CRKL: variants seen among roughly 807,000 people sequenced by gnomAD.
CRKL encodes CRK like proto-oncogene, adaptor protein.
Under a neutral mutation model 23.0 loss-of-function variants are expected in CRKL, and 3 were observed. That is an observed-to-expected ratio of 0.13 (90% CI 0.06 to 0.34). The LOEUF (loss-of-function observed/expected upper bound fraction) is 0.34, where lower values mean the gene tolerates loss of function less well. Among genes scored for constraint, CRKL ranks in the 10% least tolerant of loss-of-function variants. The pLI, the probability that CRKL is intolerant of heterozygous loss-of-function variation, is 1.00. For synonymous variants in CRKL, 188 were observed against 160.7 expected (o/e 1.17, Z -1.28); for missense variants, 256 against 394.5 (o/e 0.65, Z 2.97).
At position 20,941,562 on chromosome 22, in the gene CRKL, G is replaced by A. The variant is rs1429628038; in HGVS notation, c.777+7318G>A. On this transcript the variant is annotated intron_variant, in intron 2 of 2. Coordinates refer to ENST00000354336, the MANE Select transcript of CRKL (RefSeq NM_005207.4). ...TATGTGTGTGTGTGTGTGTGTGTGT[G>A]TGTGTGTGTGTGTGTGTATATATAT... 2.2e-3 allele frequency among the ~76,000 whole-genome samples: 36 copies of A among 16,616 alleles called. 2 individuals are homozygous for A. The highest frequency in any genetic ancestry group is 9.1e-3 in the East Asian group (2 of 220). The allele number at this position is 16,616 out of a possible 152,430, so 10.9% of individuals were successfully genotyped here.
At position 20,941,541 on chromosome 22, in the gene CRKL, TG is replaced by T. The variant is rs1921874360; in HGVS notation, c.777+7298del. Among the ~76,000 whole-genome samples, 2 of 12,892 alleles carry T rather than the reference TG, an allele frequency of 1.6e-4. 1 individual carries two copies. The highest frequency in any genetic ancestry group is 2.1e-3 in the Admixed American group (2 of 970). 8.5% of individuals were successfully genotyped at this position (12,892 alleles called of 152,430 possible). The stretch of plus-strand genomic sequence containing the variant: ...TGTGTATATATATATATATTTTATG[TG>T]TGTGTGTGTGTGTGTGTGTGTGTGT... On this transcript the variant is annotated intron_variant, in intron 2 of 2. Transcript: ENST00000354336.
chr22:20,929,886 C>T (rs1452726524), intron 1 of CRKL, among the ~76,000 whole-genome samples: 1 of 152,128 alleles, frequency 6.6e-6, no homozygotes, highest in Admixed American at 6.6e-5. Context: ...ACAGTGGGGT[C>T]TAATGGAAAG....
intron 1 of CRKL, among the ~76,000 whole-genome samples, chr22:20,930,659 C>T (rs891011697): frequency 2.9e-5 from 4 of 139,264 alleles, no homozygotes; most frequent in East Asian, 4.6e-4. Context: ...GGATTACAGG[C>T]GTGAGCCACC....
chr22:20,921,715 T>C (rs1920998540), intron 1 of CRKL, among the ~76,000 whole-genome samples: 1 of 151,468 alleles, frequency 6.6e-6, no homozygotes, highest in Admixed American at 6.6e-5. Flanking sequence ...TTCTTTCTTT[T>C]TTCTTTTTTT....
At chr22:20,937,309 A>G (rs1203776751) in intron 2 of CRKL, among the ~76,000 whole-genome samples, 2 of 151,898 alleles carry the variant, frequency 1.3e-5, no homozygotes. Context: ...CGTCCATCAT[A>G]GCATAGGATT....
chr22:20,932,377 C>T (rs1921487856), intron 1 of CRKL, among the ~76,000 whole-genome samples: 1 of 152,096 alleles, frequency 6.6e-6, no homozygotes, highest in Non-Finnish European at 1.5e-5. Flanking sequence ...GATTACAGGT[C>T]TGAGCCACCA....
At chr22:20,932,322 C>T (rs1461964182) in intron 1 of CRKL, among the ~76,000 whole-genome samples, 1 of 152,054 alleles carries the variant, frequency 6.6e-6, no homozygotes, top group Admixed American at 6.6e-5. Context: ...GTTGGACAGG[C>T]AGGTCTCCAA....
intron 2 of CRKL, among the ~76,000 whole-genome samples, chr22:20,939,233 CTTTTTTTTT>C (rs140538861): frequency 2.7e-5 from 2 of 75,148 alleles, no homozygotes; most frequent in East Asian, 4.4e-4. Flanking sequence ...ACATAAGTTG[CTTTTTTTTT>C]TTTTTTTTTT....
intron 1 of CRKL, among the ~76,000 whole-genome samples, chr22:20,928,830 AAAAAAAAGG>A (rs1312690676): frequency 4.0e-5 from 6 of 151,748 alleles, no homozygotes; most frequent in Non-Finnish European, 8.8e-5. Flanking sequence ...AAAAAAAAAA[AAAAAAAAGG>A]AATATTACCA....
chr22:20,940,399 A>C (rs1921827546), intron 2 of CRKL, among the ~76,000 whole-genome samples: 1 of 152,098 alleles, frequency 6.6e-6, no homozygotes, highest in South Asian at 2.1e-4. Flanking sequence ...CATTTTATGG[A>C]ATTTGCCATC....
intron 2 of CRKL, among the ~76,000 whole-genome samples, chr22:20,947,048 A>G (rs12484413): frequency 0.15 from 22,948 of 152,144 alleles, 2,013 homozygotes; most frequent in East Asian, 0.35. Flanking sequence ...CAAGGCCACA[A>G]TGAGGCACTA....
At chr22:20,930,614 T>C (rs1921408012) in intron 1 of CRKL, among the ~76,000 whole-genome samples, 1 of 150,040 alleles carries the variant, frequency 6.7e-6, no homozygotes, top group Non-Finnish European at 1.5e-5. Flanking sequence ...ACTCCTGACC[T>C]CAAGTGATCC....
At chr22:20,948,276 C>T (rs946616416) in intron 2 of CRKL, among the ~76,000 whole-genome samples, 2 of 152,148 alleles carry the variant, frequency 1.3e-5, no homozygotes, top group Non-Finnish European at 2.9e-5. Context: ...GTATCCATCA[C>T]AGTCATTTAT....
At chr22:20,939,418 T>G (rs1921783820) in intron 2 of CRKL, among the ~76,000 whole-genome samples, 1 of 142,386 alleles carries the variant, frequency 7.0e-6, no homozygotes, top group African/African-American at 2.6e-5. Context: ...TTTTTTTTTT[T>G]GTATTTTTTA....
In CRKL at chr22:20,951,593, A is replaced by G. The variant is rs1367167341; in HGVS notation, c.*1748A>G. ...CATAGTGAACACAGCAGACCTAGAA[A>G]TGTAGCAGCAGCCTACTGAGTAGCT... is the stretch of plus-strand genomic sequence containing the variant. On this transcript the variant is annotated 3_prime_UTR_variant, in exon 3 of 3. Transcript: ENST00000354336. The G allele has an allele frequency of 4.5e-6, 1 of 224,664 alleles. No individual in the cohort carries two copies. Among genetic ancestry groups the G allele is most frequent in the African/African-American group, 2.2e-5 (1 of 44,918 alleles). 13.9% of individuals were successfully genotyped at this position (224,664 alleles called of 1,614,324 possible).
In CRKL at chr22:20,949,620, C is replaced by A. The variant is rs1044356062; in HGVS notation, c.778-91C>A. The A allele has an allele frequency of 2.6e-6, 4 of 1,515,920 alleles. No individual in the cohort carries two copies. The East Asian group carries it at 9.1e-5, about 34-fold the overall frequency. 93.9% of individuals were successfully genotyped at this position (1,515,920 alleles called of 1,614,324 possible). ...CTGTGTCTAAATAATAATGTATGGG[C>A]CCTTTGGATAAGGTAGTGTTTGTGA... On this transcript the variant is annotated intron_variant, in intron 2 of 2. Coordinates refer to ENST00000354336, the MANE Select transcript of CRKL (RefSeq NM_005207.4).
chr22:20,931,476 T>G (rs554963771), intron 1 of CRKL, among the ~76,000 whole-genome samples: 5 of 152,308 alleles, frequency 3.3e-5, no homozygotes, highest in Admixed American at 3.3e-4. Context: ...GTCGGTACAT[T>G]GGATGCTTGG....
Position 20,949,625 on chromosome 22 carries a change from T to G in CRKL, c.778-86T>G, listed in dbSNP as rs572808730. On this transcript the variant is annotated intron_variant, in intron 2 of 2. Coordinates refer to ENST00000354336, the MANE Select transcript of CRKL (RefSeq NM_005207.4). Reference sequence around the variant, plus strand: ...TCTAAATAATAATGTATGGGCCCTTTGGATAAGGTAGTGTTTGTGATTTAA... The same window carrying G: ...TCTAAATAATAATGTATGGGCCCTTGGGATAAGGTAGTGTTTGTGATTTAA... 14 of 1,543,958 alleles carry G rather than the reference T, an allele frequency of 9.1e-6. No homozygotes were observed. The East Asian group carries it at 3.2e-4, about 35-fold the overall frequency.
chr22:20,919,946 A>G (rs1920973165), intron 1 of CRKL, among the ~76,000 whole-genome samples: 2 of 152,198 alleles, frequency 1.3e-5, no homozygotes, highest in Admixed American at 1.3e-4. Flanking sequence ...CTGTATAACA[A>G]AGACCAGGAC....
Sources: allele counts gnomAD v4.1 joint callset (sites outside exome capture counted in the v4.1 genomes callset), GRCh38; gene constraint gnomAD v4.1.1; transcripts MANE v1.5; gene names NCBI Gene and HGNC (gene_info 2026-07-23, HGNC 2026-07-21).